URGCP: variants seen among roughly 807,000 people sequenced by gnomAD.
URGCP encodes the protein up-regulator of cell proliferation.
In URGCP, 13 loss-of-function variants were observed where a neutral mutation model predicts 24.6. That is an observed-to-expected ratio of 0.53 (90% CI 0.34 to 0.84). The LOEUF is 0.84. Ranked by LOEUF, URGCP falls within the 40% of genes least tolerant of loss-of-function variation. URGCP has a pLI of 0.01. For missense variants in URGCP, 899 were observed against 1,194.3 expected (o/e 0.75, Z 3.64); for synonymous variants, 444 against 487.2 (o/e 0.91, Z 1.17).
rs535016239 is a variant in URGCP, at chr7:43,894,095, A to G, written c.15-6279T>C. 8.5e-5 allele frequency among the ~76,000 whole-genome samples: 13 copies of G among 152,338 alleles called. No individual in the cohort carries two copies. In the East Asian group the frequency reaches 2.1e-3, roughly 25 times the overall value. On this transcript the variant is annotated intron_variant, in intron 1 of 5. Transcript: ENST00000453200. ...TAGCACCCAGATATATAAAACAAAT[A>G]TTAGAGCTAAAGAGATAAATGCCAA...
At chr7:43,914,346 CA>C (rs1224749811) in intron 1 of URGCP, among the ~76,000 whole-genome samples, 5 of 151,820 alleles carry the variant, frequency 3.3e-5, no homozygotes, top group Admixed American at 3.3e-4. Flanking sequence ...TAACCACCCT[CA>C]AAAAAAATTT....
intron 1 of URGCP, among the ~76,000 whole-genome samples, chr7:43,899,929 G>A (rs1003250982): frequency 6.6e-6 from 1 of 152,166 alleles, no homozygotes; most frequent in African/African-American, 2.4e-5. Context: ...GAGCCCAAGA[G>A]TTCAAGAACA....
At chr7:43,917,717 G>A (rs1290774924) in intron 1 of URGCP, among the ~76,000 whole-genome samples, 1 of 152,182 alleles carries the variant, frequency 6.6e-6, no homozygotes, top group Admixed American at 6.5e-5. Flanking sequence ...CATGGCTAAT[G>A]TTGGGTAATA....
intron 3 of URGCP, 52 bp from the exon 4 acceptor site, chr7:43,882,009 C>T: frequency 1.9e-6 from 3 of 1,611,874 alleles, no homozygotes; most frequent in Non-Finnish European, 2.5e-6. Context: ...AAGTTAGAAC[C>T]TTTCTGTCAA....
rs560934878 is a variant in URGCP at position 43,924,782 on chromosome 7, G to GT, written c.-116+1349dup. Reference sequence around the variant, plus strand: ...AAGCTGGAGGATACTTTGAGTTTTTGTTTTTTTGAGACAGGGTCTTGCTTT... The same window carrying GT: ...AAGCTGGAGGATACTTTGAGTTTTTGTTTTTTTTGAGACAGGGTCTTGCTTT... On this transcript the variant is annotated intron_variant, in intron 1 of 5. Coordinates refer to the URGCP transcript ENST00000426198. 6.6e-5 allele frequency among the ~76,000 whole-genome samples: 10 copies of GT among 152,140 alleles called. No homozygotes were observed. In the South Asian group the frequency reaches 2.1e-3, roughly 32 times the overall value.
intron 1 of URGCP, among the ~76,000 whole-genome samples, chr7:43,897,367 G>C (rs1471761178): frequency 6.6e-6 from 1 of 152,176 alleles, no homozygotes; most frequent in Admixed American, 6.6e-5. Flanking sequence ...GTACTGGTTT[G>C]GAAGGAGGTG....
Position 43,878,328 on chromosome 7 carries a change from A to G in URGCP, c.1135T>C (p.Ser379Pro), listed in dbSNP as rs2095848542. 1 of 1,613,976 alleles carries G rather than the reference A, an allele frequency of 6.2e-7. No individual in the cohort carries two copies. The highest frequency in any genetic ancestry group is 8.5e-7 in the Non-Finnish European group (1 of 1,179,996). The part of the protein sequence containing the change: ...EYKLLYSMKE[S>P]TTKYYFILSP... ...AGGATGAAGTAGTATTTTGTGGTTG[A>G]CTCCTTCATGGAGTACAGCAATTTG... The change falls in exon 6 of 6, where the codon TCA becomes CCA. Residue 379 changes from serine to proline, a missense_variant. Physicochemically the swap from Ser to Pro is moderately conservative, Grantham distance 74 (BLOSUM62 -1). Transcript: ENST00000453200. This position sits in a 1 kb window ranked among gnomAD's most constrained non-coding sequence, Gnocchi z 5.6.
intron 1 of URGCP, chr7:43,906,232 C>A (rs2132715516): frequency 6.5e-6 from 1 of 153,236 alleles, no homozygotes; most frequent in Admixed American, 6.5e-5. Context: ...TCCCCAGCCG[C>A]TCGCCGGGCC....
Position 43,876,603 on chromosome 7 carries a change from G to A in URGCP, c.*64C>T. The A allele has an allele frequency of 6.5e-7, 1 of 1,541,980 alleles. No individual in the cohort carries two copies. The highest frequency in any genetic ancestry group is 8.8e-7 in the Non-Finnish European group (1 of 1,135,576). On this transcript the variant is annotated 3_prime_UTR_variant, in exon 6 of 6. Transcript: ENST00000453200. ...GGCACCAGAGCACAGCCCCACACGG[G>A]TGCCCCATCAGACAGGGCTGCCCAC...
chr7:43,884,576 C>T lies in URGCP; in HGVS notation c.113-2619G>A, dbSNP rs1422147790. On this transcript the variant is annotated intron_variant, in intron 3 of 5. Transcript: ENST00000453200. The stretch of plus-strand genomic sequence containing the variant: ...AGGTGGGGTGGTTCATATCTGTAAC[C>T]ACAGCAATTTGGGAGGAAAACGCAG... 3.3e-5 allele frequency among the ~76,000 whole-genome samples: 5 copies of T among 152,184 alleles called. No individual in the cohort carries two copies. The East Asian group carries it at 9.6e-4, about 29-fold the overall frequency.
At position 43,877,587 on chromosome 7, in the gene URGCP, C is replaced by A; in HGVS notation, c.1876G>T (p.Ala626Ser). Residue 626 changes from alanine to serine, a missense_variant, in exon 6 of 6, where the codon GCT (alanine) becomes TCT (serine). Transcript: ENST00000453200. ...CCTGCCTCCACAAGACAGCTCTCAG[C>A]CTCATAAAACTGTCCCATCTCCCGC... is the stretch of plus-strand genomic sequence containing the variant. Reference protein sequence around the residue: ...FLREMGQFYEAESCLVEAGRL... With the variant: ...FLREMGQFYESESCLVEAGRL... 1 of 1,614,174 alleles carries A rather than the reference C, an allele frequency of 6.2e-7. No homozygotes were observed. The highest frequency in any genetic ancestry group is 8.5e-7 in the Non-Finnish European group (1 of 1,180,036).
At chr7:43,880,215 G>A (rs2095851755) in intron 5 of URGCP, among the ~76,000 whole-genome samples, 1 of 152,160 alleles carries the variant, frequency 6.6e-6, no homozygotes, top group African/African-American at 2.4e-5. Flanking sequence ...GAGCCATGGT[G>A]CCTGGCTTTA....
intron 1 of URGCP, among the ~76,000 whole-genome samples, chr7:43,925,022 T>C (rs914308691): frequency 6.6e-6 from 1 of 152,130 alleles, no homozygotes; most frequent in Non-Finnish European, 1.5e-5. Flanking sequence ...CCTCCCAAAG[T>C]GCTGGGATTA....
chr7:43,910,928 A>G (rs2095909427), upstream of URGCP: 1 of 152,204 alleles, frequency 6.6e-6, no homozygotes, highest in East Asian at 1.9e-4. Flanking sequence ...TAACAATGAT[A>G]AACATGTATG....
At chr7:43,881,094 G>A in intron 5 of URGCP, 1 of 675,490 alleles carries the variant, frequency 1.5e-6, no homozygotes. Context: ...TGTTACTCAG[G>A]TTTCCTAGCT....
intron 1 of URGCP, among the ~76,000 whole-genome samples, chr7:43,891,592 T>C (rs1562579449): frequency 6.6e-6 from 1 of 152,106 alleles, no homozygotes; most frequent in Non-Finnish European, 1.5e-5. Flanking sequence ...GTACTGCACA[T>C]AGCTCTCTCC....
intron 1 of URGCP, among the ~76,000 whole-genome samples, chr7:43,902,210 C>T (rs57888160): frequency 0.26 from 40,104 of 151,714 alleles, 6,577 homozygotes; most frequent in South Asian, 0.49. Context: ...TGCCAAGGTG[C>T]GTGTGCCCTC....
At chr7:43,926,692 A>T, upstream of URGCP, 2 of 915,656 alleles carry the variant, frequency 2.2e-6, no homozygotes, top group Non-Finnish European at 3.1e-6. Flanking sequence ...GAGGCAGAAC[A>T]GCCTCCCGCG....
chr7:43,903,549 T>C (rs1031723560), intron 1 of URGCP, among the ~76,000 whole-genome samples: 1 of 152,220 alleles, frequency 6.6e-6, no homozygotes, highest in African/African-American at 2.4e-5. Context: ...AAATATAGAC[T>C]TCACACAGCT....
Sources: allele counts gnomAD v4.1 joint callset (sites outside exome capture counted in the v4.1 genomes callset), GRCh38; gene constraint gnomAD v4.1.1; non-coding constraint Gnocchi (gnomAD v3.1); transcripts MANE v1.5; gene names NCBI Gene and HGNC (gene_info 2026-07-23, HGNC 2026-07-21).